Variants in PLCB4 observed in about 807,000 individuals in gnomAD.
PLCB4 encodes 1-phosphatidylinositol 4,5-bisphosphate phosphodiesterase beta-4.
In PLCB4, 77 loss-of-function variants were observed where a neutral mutation model predicts 178.8. The observed-to-expected ratio is 0.43, with a 90% CI of 0.36 to 0.52. PLCB4 has a LOEUF of 0.52. Ranked by LOEUF, PLCB4 falls within the 20% of genes least tolerant of loss-of-function variation. PLCB4 has a pLI of 0.00. For missense variants in PLCB4, 1,024 were observed against 1,453.4 expected (o/e 0.70, Z 4.80); for synonymous variants, 496 against 490.8 (o/e 1.01, Z -0.14).
intron 4 of PLCB4, among the ~76,000 whole-genome samples, chr20:9,323,263 G>A (rs1404727893): frequency 6.6e-6 from 1 of 152,122 alleles, no homozygotes; most frequent in East Asian, 1.9e-4. Flanking sequence ...TTCTGTTTCT[G>A]CTAAAATATC....
chr20:9,411,159 T>C, intron 25 of PLCB4, 71 bp downstream of exon 25: 3 of 1,000,016 alleles, frequency 3.0e-6, no homozygotes, highest in Non-Finnish European at 3.1e-6. Context: ...TGAAGCCATG[T>C]CATTTTCAAT....
intron 3 of PLCB4, among the ~76,000 whole-genome samples, chr20:9,250,436 T>C (rs572655550): frequency 6.6e-6 from 1 of 152,324 alleles, no homozygotes; most frequent in East Asian, 1.9e-4. Flanking sequence ...CCTAAGATGT[T>C]CAGAAAGCCA....
intron 14 of PLCB4, among the ~76,000 whole-genome samples, chr20:9,386,883 C>A (rs1479561735): frequency 7.0e-6 from 1 of 142,376 alleles, no homozygotes; most frequent in African/African-American, 2.7e-5. Flanking sequence ...TGTCCCCAAC[C>A]AAATTGTCCT....
Position 9,424,052 on chromosome 20 carries a change from T to C in PLCB4, c.2524+100T>C, listed in dbSNP as rs889265773. 3 of 775,134 alleles carry C rather than the reference T, an allele frequency of 3.9e-6. No homozygotes were observed. In the Admixed American group the frequency reaches 6.5e-5, roughly 17 times the overall value. 48.0% of individuals were successfully genotyped at this position (775,134 alleles called of 1,614,324 possible). A position where few individuals can be genotyped will look rare whatever the true frequency, so the allele number is the denominator to read the frequency against. On this transcript the variant is annotated intron_variant, in intron 28 of 39. Coordinates refer to ENST00000378473, the MANE Select transcript of PLCB4 (RefSeq NM_001377142.1). Reference sequence around the variant, plus strand: ...ATGCTTTAAAAAACAATAAAAATACTGTCTATTCCTGCTAATGCTGCCAAC... The same window carrying C: ...ATGCTTTAAAAAACAATAAAAATACCGTCTATTCCTGCTAATGCTGCCAAC...
Position 9,096,199 on chromosome 20 carries a change from A to C in PLCB4, c.-134-88A>C, listed in dbSNP as rs527318189. The C allele has an allele frequency of 3.8e-3, 577 of 152,310 alleles. 5 individuals are homozygous for C. The highest frequency in any genetic ancestry group is 0.013 in the African/African-American group (535 of 41,578). 9.4% of individuals were successfully genotyped at this position (152,310 alleles called of 1,614,324 possible). On this transcript the variant is annotated intron_variant, in intron 1 of 39. Transcript: ENST00000378473. ...TTTAATATTATAAATGAAACACAACATGGTAAGATTATAGGCTGGTCTTAA... is the reference window on the plus strand; with the variant it reads ...TTTAATATTATAAATGAAACACAACCTGGTAAGATTATAGGCTGGTCTTAA...
chr20:9,326,968 C>A (rs991892116), intron 4 of PLCB4, among the ~76,000 whole-genome samples: 6 of 152,162 alleles, frequency 3.9e-5, no homozygotes, highest in African/African-American at 1.4e-4. Flanking sequence ...ATTTGTATTT[C>A]TGCCTCATAT....
chr20:9,178,510 A>C (rs1431739436), intron 2 of PLCB4, among the ~76,000 whole-genome samples: 1 of 151,930 alleles, frequency 6.6e-6, no homozygotes, highest in African/African-American at 2.4e-5. Context: ...TTTAGCATTA[A>C]GTAATATTCA....
chr20:9,368,419 G>A (rs747282830), intron 9 of PLCB4, among the ~76,000 whole-genome samples: 19 of 152,060 alleles, frequency 1.2e-4, no homozygotes, highest in South Asian at 2.1e-4. Flanking sequence ...CTCCTCTCTC[G>A]TAACCTGGAG....
intron 19 of PLCB4, among the ~76,000 whole-genome samples, chr20:9,399,865 T>G (rs2038898766): frequency 6.6e-6 from 1 of 152,250 alleles, no homozygotes; most frequent in Non-Finnish European, 1.5e-5. Flanking sequence ...TTTGAAATCT[T>G]GGTTACTGAC....
intron 2 of PLCB4, among the ~76,000 whole-genome samples, chr20:9,129,568 G>T (rs1410048639): frequency 1.3e-5 from 2 of 152,190 alleles, no homozygotes; most frequent in African/African-American, 4.8e-5. Context: ...ATCTAAGGGA[G>T]TTAAAAAGGT....
At chr20:9,373,565 G>A (rs1162740643) in intron 12 of PLCB4, among the ~76,000 whole-genome samples, 1 of 152,132 alleles carries the variant, frequency 6.6e-6, no homozygotes, top group Non-Finnish European at 1.5e-5. Flanking sequence ...TGGATTGCAT[G>A]TAAGAAAAAT....
At chr20:9,341,834 C>T (rs1190582027) in intron 7 of PLCB4, among the ~76,000 whole-genome samples, 1 of 151,996 alleles carries the variant, frequency 6.6e-6, no homozygotes, top group East Asian at 1.9e-4. Context: ...GAGCAGCTAG[C>T]CAGTTAAGAA....
At chr20:9,157,296 A>C (rs1487810641) in intron 2 of PLCB4, among the ~76,000 whole-genome samples, 1 of 152,114 alleles carries the variant, frequency 6.6e-6, no homozygotes. Flanking sequence ...GTCTCATTGC[A>C]TGGAAAGTGG....
At chr20:9,462,716 A>G (rs1428442605) in intron 35 of PLCB4, among the ~76,000 whole-genome samples, 2 of 152,184 alleles carry the variant, frequency 1.3e-5, no homozygotes, top group African/African-American at 4.8e-5. Flanking sequence ...AAGATTAGAG[A>G]AGAAAGAGTA....
intron 3 of PLCB4, among the ~76,000 whole-genome samples, chr20:9,278,478 A>T (rs997598104): frequency 6.6e-6 from 1 of 152,074 alleles, no homozygotes; most frequent in Non-Finnish European, 1.5e-5. Flanking sequence ...AAATATCTTT[A>T]CAAAGTTCCA....
chr20:9,130,475 A>G (rs1048763561), intron 2 of PLCB4, among the ~76,000 whole-genome samples: 7 of 152,238 alleles, frequency 4.6e-5, no homozygotes, highest in Admixed American at 3.3e-4. Flanking sequence ...GCTGGTTTAT[A>G]GTAAATGAAT....
At chr20:9,408,948 G>A in intron 23 of PLCB4, 109 bp from the exon 24 acceptor site, 2 of 949,488 alleles carry the variant, frequency 2.1e-6, no homozygotes, top group South Asian at 1.5e-5. Flanking sequence ...GCTCTGTGCT[G>A]TCTACTTGTT....
chr20:9,469,349 C>A (rs2044023812), intron 36 of PLCB4, among the ~76,000 whole-genome samples: 1 of 152,220 alleles, frequency 6.6e-6, no homozygotes, highest in Non-Finnish European at 1.5e-5. Flanking sequence ...CTCTCCCCTG[C>A]TCAGGTGTCA....
chr20:9,069,923 C>G (rs767486196), intron 1 of PLCB4, among the ~76,000 whole-genome samples: 2 of 152,086 alleles, frequency 1.3e-5, no homozygotes, highest in Non-Finnish European at 2.9e-5. Flanking sequence ...GAAAGATGAC[C>G]CTACTCTTCC....
Sources: gnomAD v4.1 joint callset for allele counts (sites outside exome capture counted in the v4.1 genomes callset) on GRCh38, gnomAD v4.1.1 for gene constraint, MANE v1.5 for transcripts, NCBI Gene and HGNC (gene_info 2026-07-23, HGNC 2026-07-21) for gene names.